The following DYM variants were observed in gnomAD, a reference collection of about 807,000 sequenced individuals.
The protein encoded by DYM is dymeclin.
A neutral mutation model predicts 93.1 loss-of-function variants in DYM; 78 were observed. The observed-to-expected ratio is 0.84, with a 90% confidence interval of 0.70 to 1.01. DYM has a LOEUF of 1.01. Ranked by LOEUF, DYM falls within the 50% of genes least tolerant of loss-of-function variation. The probability of loss-of-function intolerance (pLI) is 0.00; values close to 1 mark genes in which losing one functional copy is unlikely to be tolerated. For missense variants in DYM, 789 were observed against 845.0 expected (o/e 0.93, Z 0.82); for synonymous variants, 321 against 319.7 (o/e 1.00, Z -0.04).
chr18:49,178,302 T>C (rs1425964280), intron 14 of DYM, among the ~76,000 whole-genome samples: 1 of 151,810 alleles, frequency 6.6e-6, no homozygotes, highest in Non-Finnish European at 1.5e-5. Context: ...AAGAGAAAAA[T>C]GGGCCTCAAC....
chr18:49,451,219 T>A (rs916002896), intron 1 of DYM, among the ~76,000 whole-genome samples: 1 of 152,206 alleles, frequency 6.6e-6, no homozygotes, highest in Non-Finnish European at 1.5e-5. Context: ...TCTGCCTGGT[T>A]CCTCTAATCT....
At chr18:49,052,250 C>G (rs1023462063) in intron 17 of DYM, among the ~76,000 whole-genome samples, 1 of 152,204 alleles carries the variant, frequency 6.6e-6, no homozygotes, top group Admixed American at 6.5e-5. Context: ...TTCAGTCAAC[C>G]TGGGTAGGCC....
intron 17 of DYM, among the ~76,000 whole-genome samples, chr18:49,056,113 T>G (rs1691186537): frequency 6.6e-6 from 1 of 152,190 alleles, no homozygotes; most frequent in South Asian, 2.1e-4. Flanking sequence ...AAGTCGTTCC[T>G]GTCTCTTCAG....
At chr18:49,105,243 C>A (rs541829310) in intron 16 of DYM, among the ~76,000 whole-genome samples, 7 of 152,114 alleles carry the variant, frequency 4.6e-5, no homozygotes, top group African/African-American at 1.7e-4. Flanking sequence ...TCTGTGGGAT[C>A]GGTGGTAATA....
chr18:49,382,911 A>C (rs2068194139), intron 3 of DYM, among the ~76,000 whole-genome samples: 1 of 152,200 alleles, frequency 6.6e-6, no homozygotes, highest in African/African-American at 2.4e-5. Context: ...ATGAGAGATT[A>C]AATTTGCTTC....
intron 17 of DYM, among the ~76,000 whole-genome samples, chr18:49,095,207 C>T (rs1002601822): frequency 3.9e-5 from 6 of 151,994 alleles, no homozygotes; most frequent in African/African-American, 9.7e-5. Flanking sequence ...CTTTAGATAC[C>T]GTGGTATTCT....
intron 13 of DYM, among the ~76,000 whole-genome samples, chr18:49,220,327 G>A (rs1470692263): frequency 1.3e-5 from 2 of 148,284 alleles, no homozygotes; most frequent in Non-Finnish European, 1.5e-5. Context: ...TGGCCATACT[G>A]CCCAAGGTAA....
chr18:49,179,811 T>C (rs1186289115), intron 14 of DYM, among the ~76,000 whole-genome samples: 1 of 152,124 alleles, frequency 6.6e-6, no homozygotes, highest in East Asian at 1.9e-4. Flanking sequence ...TCAGCAGAGA[T>C]AGCAACAGTA....
intron 14 of DYM, among the ~76,000 whole-genome samples, chr18:49,197,146 A>C (rs2091530105): frequency 6.6e-6 from 1 of 152,126 alleles, no homozygotes. Context: ...ATGAGTGTTG[A>C]TGTTAACAGT....
chr18:49,147,647 C>T (rs1488880952), intron 15 of DYM, among the ~76,000 whole-genome samples: 1 of 151,824 alleles, frequency 6.6e-6, no homozygotes, highest in Admixed American at 6.6e-5. Context: ...AATGAGATAC[C>T]ATCTCACACC....
chr18:49,175,143 C>T (rs981673221), intron 14 of DYM, among the ~76,000 whole-genome samples: 4 of 152,122 alleles, frequency 2.6e-5, no homozygotes, highest in Non-Finnish European at 5.9e-5. Context: ...CATATTTGTA[C>T]TGTAAACATG....
At chr18:49,192,873 G>A (rs920374100) in intron 14 of DYM, among the ~76,000 whole-genome samples, 2 of 152,162 alleles carry the variant, frequency 1.3e-5, no homozygotes, top group Non-Finnish European at 2.9e-5. Context: ...GAAGTAGACA[G>A]TAGAATGGTG....
chr18:49,323,526 C>T (rs568021087), intron 8 of DYM, among the ~76,000 whole-genome samples: 1 of 152,110 alleles, frequency 6.6e-6, no homozygotes, highest in African/African-American at 2.4e-5. Flanking sequence ...TAGATGAGAT[C>T]GTGAGAGTGG....
chr18:49,271,242 G>T (rs2094689893), intron 11 of DYM, among the ~76,000 whole-genome samples: 1 of 152,118 alleles, frequency 6.6e-6, no homozygotes, highest in African/African-American at 2.4e-5. Context: ...ACAGGGCAAT[G>T]ATGTGCTACA....
chr18:49,316,952 C>T (rs1238320958), intron 8 of DYM, among the ~76,000 whole-genome samples: 1 of 152,180 alleles, frequency 6.6e-6, no homozygotes, highest in Non-Finnish European at 1.5e-5. Flanking sequence ...CAGTTTGACT[C>T]ATCTGTAGAA....
At chr18:49,405,945 T>C (rs2071444274) in intron 2 of DYM, among the ~76,000 whole-genome samples, 1 of 152,184 alleles carries the variant, frequency 6.6e-6, no homozygotes, top group Non-Finnish European at 1.5e-5. Flanking sequence ...TTCCACCTCC[T>C]CGGGCAAATG....
Position 49,272,173 on chromosome 18 carries a change from C to CT in DYM, c.1251+4dup, listed in dbSNP as rs2094721018. 2.5e-6 allele frequency: 4 copies of CT among 1,611,884 alleles called. No individual in the cohort carries two copies. Among genetic ancestry groups the CT allele is most frequent in the Non-Finnish European group, 2.5e-6 (3 of 1,178,420 alleles). ...CTAACTCTAATCCAAGTAATGGTAA[C>CT]TTACCACTTCATGAATGGATCTGTT... On this transcript the variant is annotated splice_donor_region_variant and intron_variant, in intron 11 of 17. Transcript: ENST00000675505.
chr18:49,342,942 C>G (rs2064278447), intron 6 of DYM, among the ~76,000 whole-genome samples: 1 of 152,080 alleles, frequency 6.6e-6, no homozygotes. Flanking sequence ...TCACAATATC[C>G]CCATCATTAA....
intron 15 of DYM, among the ~76,000 whole-genome samples, chr18:49,140,588 A>C (rs1458635209): frequency 6.6e-6 from 1 of 152,222 alleles, no homozygotes; most frequent in African/African-American, 2.4e-5. Context: ...ACATTTAGCA[A>C]CTATAAGGTT....
Sources: gnomAD v4.1 joint callset for allele counts (sites outside exome capture counted in the v4.1 genomes callset) on GRCh38, gnomAD v4.1.1 for gene constraint, MANE v1.5 for transcripts, NCBI Gene and HGNC (gene_info 2026-07-23, HGNC 2026-07-21) for gene names.